PKNOX1: variants seen among roughly 807,000 people sequenced by gnomAD.
PKNOX1 encodes the protein PBX/knotted 1 homeobox 1.
A neutral mutation model predicts 51.9 loss-of-function variants in PKNOX1; 15 were observed. That is an observed-to-expected ratio of 0.29 (90% CI 0.19 to 0.45). The LOEUF (loss-of-function observed/expected upper bound fraction) is 0.45. PKNOX1 is among the 20% of genes least tolerant of loss of function. The pLI, the probability that PKNOX1 is intolerant of heterozygous loss-of-function variation, is 1.00. For synonymous variants in PKNOX1, 219 were observed against 211.1 expected, an observed-to-expected ratio of 1.04 and a Z score of -0.32; for missense variants, 462 against 547.5, an observed-to-expected ratio of 0.84 and a Z score of 1.56.
intron 1 of PKNOX1, among the ~76,000 whole-genome samples, chr21:42,997,593 C>G (rs988046761): frequency 2.0e-5 from 3 of 152,216 alleles, no homozygotes; most frequent in Non-Finnish European, 4.4e-5. Context: ...GGGGATGCAG[C>G]AAGACGGGCC....
chr21:43,013,439 GGC>G (rs1979344324), intron 5 of PKNOX1, among the ~76,000 whole-genome samples: 1 of 151,944 alleles, frequency 6.6e-6, no homozygotes, highest in African/African-American at 2.4e-5. Context: ...CTGCATACTG[GGC>G]CCCCGGTCCC....
At position 43,031,082 on chromosome 21, in the gene PKNOX1, C is replaced by G. The variant is rs959702057; in HGVS notation, c.*981C>G. 7.9e-5 allele frequency: 12 copies of G among 152,614 alleles called. No homozygotes were observed. Among genetic ancestry groups the G allele is most frequent in the African/African-American group, 2.9e-4 (12 of 41,426 alleles). 9.5% of individuals were successfully genotyped at this position (152,614 alleles called of 1,614,324 possible). The stretch of plus-strand genomic sequence containing the variant: ...GTTAGGAGCTCTCACCGTACATACT[C>G]CAGTCTAATTTAAATCTGACCACAG... On this transcript the variant is annotated 3_prime_UTR_variant, in exon 11 of 11. Transcript: ENST00000291547.
At chr21:42,995,352 T>G (rs938292520) in intron 1 of PKNOX1, among the ~76,000 whole-genome samples, 1 of 152,198 alleles carries the variant, frequency 6.6e-6, no homozygotes, top group Admixed American at 6.5e-5. Context: ...GTGTATCCTT[T>G]TCATTGCATC....
chr21:43,019,114 C>T (rs758539545), intron 7 of PKNOX1, among the ~76,000 whole-genome samples: 15 of 144,546 alleles, frequency 1.0e-4, no homozygotes, highest in African/African-American at 2.3e-4. Context: ...TGATTCTGGC[C>T]GGGTGCAGTG....
intron 1 of PKNOX1, among the ~76,000 whole-genome samples, chr21:43,000,545 A>G (rs574887323): frequency 2.1e-4 from 32 of 152,306 alleles, no homozygotes; most frequent in African/African-American, 7.0e-4. Flanking sequence ...CCATGATTCA[A>G]TTACCTCCCA....
intron 1 of PKNOX1, among the ~76,000 whole-genome samples, chr21:42,987,047 C>G (rs1457517570): frequency 6.6e-6 from 1 of 151,940 alleles, no homozygotes; most frequent in African/African-American, 2.4e-5. Flanking sequence ...AGGATAGTGT[C>G]ACTAAACTGA....
At chr21:42,982,873 A>C in intron 1 of PKNOX1, among the ~76,000 whole-genome samples, 1 of 151,918 alleles carries the variant, frequency 6.6e-6, no homozygotes, top group East Asian at 1.9e-4. Context: ...GCAGTGGTGC[A>C]ATCTTGGCTC....
intron 3 of PKNOX1, among the ~76,000 whole-genome samples, 187 bp from the exon 4 acceptor site, chr21:43,009,866 A>C (rs952369326): frequency 6.6e-6 from 1 of 152,188 alleles, no homozygotes; most frequent in African/African-American, 2.4e-5. Context: ...AAATGTTCCA[A>C]AGTTGACGGC....
intron 4 of PKNOX1, among the ~76,000 whole-genome samples, chr21:43,012,848 G>A (rs538326879): frequency 7.9e-5 from 12 of 152,132 alleles, no homozygotes; most frequent in East Asian, 3.9e-4. Context: ...ACCACCACGC[G>A]CCTTTGTCTT....
intron 1 of PKNOX1, among the ~76,000 whole-genome samples, chr21:42,995,886 C>T (rs1201515800): frequency 6.6e-6 from 1 of 152,114 alleles, no homozygotes; most frequent in East Asian, 1.9e-4. Context: ...GCTTTTTCTG[C>T]TCCCCATCTA....
At chr21:43,020,113 T>C (rs1979689812) in intron 7 of PKNOX1, among the ~76,000 whole-genome samples, 1 of 152,128 alleles carries the variant, frequency 6.6e-6, no homozygotes, top group South Asian at 2.1e-4. Flanking sequence ...TAAATGTTTT[T>C]GTAAAGACGG....
chr21:42,990,698 T>C (rs1012624331), intron 1 of PKNOX1, among the ~76,000 whole-genome samples: 4 of 152,208 alleles, frequency 2.6e-5, no homozygotes, highest in Non-Finnish European at 5.9e-5. Context: ...AAGTTTTACA[T>C]GACATGGGAG....
At chr21:43,017,552 G>T in intron 6 of PKNOX1, 1 of 140,672 alleles carries the variant, frequency 7.1e-6, no homozygotes. Flanking sequence ...GGAAACCTCA[G>T]TGGGAAAAAA....
chr21:43,015,984 A>G (rs1979472820), intron 5 of PKNOX1, among the ~76,000 whole-genome samples: 1 of 152,038 alleles, frequency 6.6e-6, no homozygotes, highest in Non-Finnish European at 1.5e-5. Context: ...CTCTTTTTCT[A>G]AGATCTTAAG....
At chr21:42,990,929 A>G (rs2059084227) in intron 1 of PKNOX1, among the ~76,000 whole-genome samples, 2 of 152,116 alleles carry the variant, frequency 1.3e-5, no homozygotes, top group African/African-American at 4.8e-5. Context: ...CACTTCTCAC[A>G]TGAGGGTCTT....
chr21:42,994,125 C>T (rs1206622561), intron 1 of PKNOX1, among the ~76,000 whole-genome samples: 2 of 145,488 alleles, frequency 1.4e-5, no homozygotes, highest in African/African-American at 5.1e-5. Context: ...ACTGCAGCCT[C>T]GACCTCCCGG....
Position 43,032,454 on chromosome 21 carries a change from TTTA to T in PKNOX1, c.*2354_*2356del. ...CACATTCACTAAGCAGTGGATTGAATTTAAGAGTGCTGCCCCTGCCCGGCGCAG... is the reference window on the plus strand; with the variant it reads ...CACATTCACTAAGCAGTGGATTGAATAGAGTGCTGCCCCTGCCCGGCGCAG... On this transcript the variant is annotated 3_prime_UTR_variant, in exon 11 of 11. Coordinates refer to ENST00000291547, the MANE Select transcript of PKNOX1 (RefSeq NM_004571.5). The T allele has an allele frequency of 3.5e-6, 1 of 289,356 alleles. No individual in the cohort carries two copies. Among genetic ancestry groups the T allele is most frequent in the South Asian group, 3.1e-5 (1 of 32,088 alleles). 17.9% of individuals were successfully genotyped at this position (289,356 alleles called of 1,614,324 possible).
In PKNOX1 at chr21:43,021,461, G is replaced by T; in HGVS notation, c.849+30G>T. On this transcript the variant is annotated intron_variant, in intron 8 of 10. Transcript: ENST00000291547. This position sits in a 1 kb window ranked among gnomAD's most constrained non-coding sequence, Gnocchi z 4.6. ...GGACGGCTGGGCCAGCCCTTGCCTT[G>T]CAGCCCTCTGCGACGCTTGCTCTCT... is the stretch of plus-strand genomic sequence containing the variant. The T allele has an allele frequency of 6.4e-7, 1 of 1,573,604 alleles. No homozygotes were observed. Among genetic ancestry groups the T allele is most frequent in the Non-Finnish European group, 8.6e-7 (1 of 1,157,440 alleles).
intron 4 of PKNOX1, among the ~76,000 whole-genome samples, chr21:43,010,796 G>A (rs989043657): frequency 1.5e-4 from 23 of 151,894 alleles, no homozygotes; most frequent in African/African-American, 5.3e-4. Flanking sequence ...CGCAGGAGGC[G>A]GAAGTTGCAG....
Sources: gnomAD v4.1 joint callset for allele counts (sites outside exome capture counted in the v4.1 genomes callset) on GRCh38, gnomAD v4.1.1 for gene constraint, Gnocchi (gnomAD v3.1) non-coding constraint, MANE v1.5 for transcripts, NCBI Gene and HGNC (gene_info 2026-07-23, HGNC 2026-07-21) for gene names.